Variants in TACC2 observed in about 807,000 individuals in gnomAD.
TACC2 encodes the protein transforming acidic coiled-coil containing protein 2.
A neutral mutation model predicts 227.3 loss-of-function variants in TACC2; 137 were observed. The observed-to-expected ratio is 0.60, with a 90% CI of 0.52 to 0.69. The LOEUF (loss-of-function observed/expected upper bound fraction) is 0.69, where lower values mean the gene tolerates loss of function less well. Ranked by LOEUF, TACC2 falls within the 30% of genes least tolerant of loss-of-function variation. The probability of loss-of-function intolerance (pLI) is 0.00; values close to 1 mark genes in which losing one functional copy is unlikely to be tolerated. For missense variants in TACC2, 3,470 were observed against 3,694.4 expected (o/e 0.94, Z 1.57); for synonymous variants, 1,523 against 1,487.5 (o/e 1.02, Z -0.55).
chr10:122,234,692 A>C (rs1021706599), intron 16 of TACC2, among the ~76,000 whole-genome samples: 2 of 152,220 alleles, frequency 1.3e-5, no homozygotes, highest in Non-Finnish European at 2.9e-5. Flanking sequence ...GGTAGTGTCC[A>C]TTTGAATTTT....
intron 1 of TACC2, among the ~76,000 whole-genome samples, chr10:122,018,121 C>T (rs1956921629): frequency 6.6e-6 from 1 of 151,816 alleles, no homozygotes; most frequent in Non-Finnish European, 1.5e-5. Flanking sequence ...CTTCCCGCTT[C>T]TCACCCCCAT....
Position 122,131,177 on chromosome 10 carries a change from CAAA to C in TACC2, c.5574-1410_5574-1408del, listed in dbSNP as rs10572276. Reference sequence around the variant, plus strand: ...TGGGCAGCAGAGGGAGACGCTTTCTCAAAAAAAAAAAAAAAAAAAAAAAATCTG... The same window carrying C: ...TGGGCAGCAGAGGGAGACGCTTTCTCAAAAAAAAAAAAAAAAAAAAATCTG... On this transcript the variant is annotated intron_variant, in intron 5 of 22. Coordinates refer to ENST00000369005, the MANE Select transcript of TACC2 (RefSeq NM_206862.4). Among the ~76,000 whole-genome samples the C allele has an allele frequency of 4.3e-3, 406 of 95,268 alleles. 2 individuals carry two copies. Among genetic ancestry groups the C allele is most frequent in the African/African-American group, 0.012 (314 of 25,898 alleles). 62.5% of individuals were successfully genotyped at this position (95,268 alleles called of 152,430 possible).
chr10:122,137,342 T>G (rs4752653), intron 6 of TACC2, among the ~76,000 whole-genome samples: 105,050 of 150,666 alleles, frequency 0.7, 38,629 homozygotes, highest in Middle Eastern at 0.84. Context: ...AATCAGCCGG[T>G]TGTGGTGGTG....
rs535017370 is a variant in TACC2, at chr10:122,083,628, A to G, written c.1128A>G (p.Pro376=). 13 of 1,611,586 alleles carry G rather than the reference A, an allele frequency of 8.1e-6. No individual in the cohort carries two copies. In the African/African-American group the frequency reaches 1.2e-4, roughly 15 times the overall value. ...ACACCATTGATGTTCAGGGTCACCC[A>G]CAGACAGGGATGCGAGGAACCAAGC... ...ALDTIDVQGH[P]QTGMRGTKPN... The change falls in exon 4 of 23, where the codon CCA becomes CCG. Residue 376 remains proline (P), a synonymous_variant. Coordinates refer to ENST00000369005, the MANE Select transcript of TACC2 (RefSeq NM_206862.4).
intron 5 of TACC2, among the ~76,000 whole-genome samples, chr10:122,089,706 C>G (rs903718490): frequency 2.0e-5 from 3 of 151,750 alleles, no homozygotes; most frequent in Non-Finnish European, 4.4e-5. Flanking sequence ...TAAATTAGTA[C>G]CTGTGTACCC....
At chr10:122,065,905 A>C (rs1213389282) in intron 3 of TACC2, among the ~76,000 whole-genome samples, 1 of 151,976 alleles carries the variant, frequency 6.6e-6, no homozygotes, top group East Asian at 1.9e-4. Flanking sequence ...TTATGCCTGT[A>C]ATATTTTTTG....
Position 122,086,669 on chromosome 10 carries a change from G to T in TACC2, c.4169G>T (p.Gly1390Val). Residue 1390 changes from glycine to valine, a missense_variant, in exon 4 of 23, where the codon GGT becomes GTT. Gly to Val is a moderately radical substitution (Grantham distance 109). Around this residue, in one of 10 missense-constraint regions of TACC2, gnomAD observed 1,924 missense variants for 1,978.3 expected, o/e 0.97. Coordinates refer to ENST00000369005, the MANE Select transcript of TACC2 (RefSeq NM_206862.4). ...PSQDPKQGTSGGVDTSSEQIA... is the reference protein window; with the variant it reads ...PSQDPKQGTSVGVDTSSEQIA... Reference sequence around the variant, plus strand: ...CAGGACCCAAAGCAGGGCACATCAGGTGGTGTGGACACAAGCTCTGAGCAA... The same window carrying T: ...CAGGACCCAAAGCAGGGCACATCAGTTGGTGTGGACACAAGCTCTGAGCAA... 4.3e-6 allele frequency: 7 copies of T among 1,612,378 alleles called. No individual in the cohort carries two copies. Among genetic ancestry groups the T allele is most frequent in the East Asian group, 2.2e-5 (1 of 44,862 alleles).
intron 5 of TACC2, among the ~76,000 whole-genome samples, chr10:122,096,282 C>G (rs11200395): frequency 0.54 from 81,471 of 152,022 alleles, 22,990 homozygotes; most frequent in East Asian, 0.85. Flanking sequence ...CAGGCCTGCG[C>G]ACCCGTATCT....
intron 1 of TACC2, among the ~76,000 whole-genome samples, chr10:122,016,919 C>A (rs973768766): frequency 6.6e-6 from 1 of 152,108 alleles, no homozygotes; most frequent in Non-Finnish European, 1.5e-5. Flanking sequence ...GACTGTTGTC[C>A]TTAGAAGAAG....
At chr10:122,068,663 T>G (rs1249655859) in intron 3 of TACC2, among the ~76,000 whole-genome samples, 1 of 69,168 alleles carries the variant, frequency 1.4e-5, no homozygotes, top group Non-Finnish European at 3.2e-5. Flanking sequence ...GGATTGCTCC[T>G]CCGAAACCTT....
rs57190575 is a variant in TACC2, at chr10:122,033,006, A to AAC, written c.33+10993_33+10994insCA. The AAC allele has an allele frequency of 3.7e-5, 30 of 818,592 alleles. 1 individual carries two copies. In the Admixed American group the frequency reaches 4.4e-4, roughly 12 times the overall value. 50.7% of individuals were successfully genotyped at this position (818,592 alleles called of 1,614,324 possible). ...CAACAACAACAACAACAACAAAAAC[A>AAC]AAAAAACCCCACAAAAACACCAAAG... is the stretch of plus-strand genomic sequence containing the variant. On this transcript the variant is annotated intron_variant, in intron 2 of 22. Transcript: ENST00000369005.
chr10:122,154,089 C>T (rs891795485), intron 7 of TACC2, among the ~76,000 whole-genome samples: 2 of 152,200 alleles, frequency 1.3e-5, no homozygotes, highest in Non-Finnish European at 2.9e-5. Flanking sequence ...CCTTGAGTTG[C>T]CTTCAGCCCT....
chr10:122,114,976 G>C (rs954832140), intron 5 of TACC2, among the ~76,000 whole-genome samples: 3 of 152,250 alleles, frequency 2.0e-5, no homozygotes, highest in African/African-American at 7.2e-5. Flanking sequence ...TACGAAAAGA[G>C]AGACTCAAAG....
intron 7 of TACC2, among the ~76,000 whole-genome samples, chr10:122,183,098 G>T (rs970230576): frequency 2.6e-5 from 4 of 152,162 alleles, no homozygotes; most frequent in Admixed American, 2.0e-4. Flanking sequence ...CCAGCTAGTC[G>T]GGTGGCTGAG....
intron 7 of TACC2, among the ~76,000 whole-genome samples, chr10:122,168,987 AC>A (rs1314937214): frequency 6.6e-6 from 1 of 152,156 alleles, no homozygotes; most frequent in African/African-American, 2.4e-5. Context: ...TTCTGTGAAA[AC>A]CAATTGTTCA....
intron 3 of TACC2, among the ~76,000 whole-genome samples, chr10:122,061,520 G>C (rs1401926449): frequency 1.3e-5 from 2 of 152,144 alleles, no homozygotes; most frequent in Non-Finnish European, 2.9e-5. Context: ...TTGTGCTGGG[G>C]GAATCCCAGG....
chr10:122,169,760 CT>C (rs947107999), intron 7 of TACC2, among the ~76,000 whole-genome samples: 2 of 151,898 alleles, frequency 1.3e-5, no homozygotes, highest in East Asian at 1.9e-4. Flanking sequence ...TGTAATTTTC[CT>C]TTTTTTTGAG....
In TACC2 at chr10:122,082,884, A is replaced by G. The variant is rs754820367; in HGVS notation, c.384A>G (p.Ala128=). 7 of 1,613,190 alleles carry G rather than the reference A, an allele frequency of 4.3e-6. No individual in the cohort carries two copies. In the African/African-American group the frequency reaches 5.3e-5, roughly 12 times the overall value. Reference sequence around the variant, plus strand: ...GTTGCTTGGCAAGTCCAGCAGCGGCACCTGAAGATGGTCCTCAGACTCAGT... The same window carrying G: ...GTTGCTTGGCAAGTCCAGCAGCGGCGCCTGAAGATGGTCCTCAGACTCAGT... ...PEGCLASPAA[A]PEDGPQTQSP... Residue 128 remains alanine, a synonymous_variant, in exon 4 of 23, where the codon GCA becomes GCG. Transcript: ENST00000369005.
chr10:122,015,498 C>T (rs951013383), intron 1 of TACC2, among the ~76,000 whole-genome samples: 1 of 150,894 alleles, frequency 6.6e-6, no homozygotes, highest in African/African-American at 2.4e-5. Context: ...GAGTGAGACT[C>T]CATCTCAAAC....
Sources: gnomAD v4.1 joint callset for allele counts (sites outside exome capture counted in the v4.1 genomes callset) on GRCh38, gnomAD v4.1.1 for gene constraint, gnomAD v4.1.1 regional missense constraint, MANE v1.5 for transcripts, NCBI Gene and HGNC (gene_info 2026-07-23, HGNC 2026-07-21) for gene names.